Variants in CDC27 observed in about 807,000 individuals in gnomAD.
CDC27 encodes the protein cell division cycle 27, also known as cell division cycle protein 27 homolog.
CDC27 carries 27 observed loss-of-function variants against 109.7 expected under a neutral mutation model. The observed-to-expected ratio is 0.25, with a 90% CI of 0.18 to 0.34. The LOEUF (loss-of-function observed/expected upper bound fraction) is 0.34, where lower values mean the gene tolerates loss of function less well. CDC27 is among the 10% of genes least tolerant of loss of function. The pLI, the probability that CDC27 is intolerant of heterozygous loss-of-function variation, is 1.00. For missense variants in CDC27, 579 were observed against 960.2 expected, an observed-to-expected ratio of 0.60 and a Z score of 5.25; for synonymous variants, 266 against 333.9, an observed-to-expected ratio of 0.80 and a Z score of 2.22.
chr17:47,187,014 T>A (rs221599), intron 1 of CDC27, among the ~76,000 whole-genome samples: 53,793 of 152,034 alleles, frequency 0.35, 10,079 homozygotes, highest in Admixed American at 0.43. Context: ...TCTTTATCAT[T>A]GTAGCCAAAG....
At chr17:47,175,094 G>GAAGGAAGGAAGT (rs1368102752) in intron 2 of CDC27, among the ~76,000 whole-genome samples, 2 of 94,146 alleles carry the variant, frequency 2.1e-5, no homozygotes, top group Admixed American at 1.1e-4. Context: ...AGGAAGGAAG[G>GAAGGAAGGAAGT]AAGTAAGTTG....
chr17:47,146,637 A>G (rs112106760), intron 9 of CDC27, among the ~76,000 whole-genome samples: 3 of 152,206 alleles, frequency 2.0e-5, no homozygotes, highest in Non-Finnish European at 4.4e-5. Flanking sequence ...GTCCAGACTA[A>G]GGCTACTTTT....
At chr17:47,122,156 T>C (rs1232244612) in intron 18 of CDC27, among the ~76,000 whole-genome samples, 3 of 152,090 alleles carry the variant, frequency 2.0e-5, no homozygotes, top group Non-Finnish European at 4.4e-5. Context: ...TACATTTTTA[T>C]GAAGCAGATA....
rs1161085615 is a variant in CDC27, at chr17:47,138,862, C to G, written c.1581G>C (p.Arg527Ser). 1 of 1,589,048 alleles carries G rather than the reference C, an allele frequency of 6.3e-7. No individual in the cohort carries two copies. Among genetic ancestry groups the G allele is most frequent in the Non-Finnish European group, 8.6e-7 (1 of 1,168,768 alleles). ...TGCCTTCAACTCTATAATTCTCAAT[C>G]CTTCTAACCTCTGAGAATATTCTTT... ...QAERIFSEVRRIENYRVEGME... is the reference protein window; with the variant it reads ...QAERIFSEVRSIENYRVEGME... Residue 527 changes from arginine (R) to serine (S), a missense_variant, in exon 13 of 19, where the codon AGG (arginine) becomes AGC (serine). Arg to Ser is a moderately radical substitution (Grantham distance 110, BLOSUM62 -1). Around this residue, in one of 9 missense-constraint regions of CDC27, gnomAD observed 227 missense variants for 363.6 expected, o/e 0.62. Coordinates refer to ENST00000066544, the MANE Select transcript of CDC27 (RefSeq NM_001256.6).
intron 14 of CDC27, among the ~76,000 whole-genome samples, chr17:47,133,066 C>T (rs182876060): frequency 0.09 from 7,092 of 78,594 alleles, 391 homozygotes; most frequent in African/African-American, 0.13. Flanking sequence ...TACATATACA[C>T]ACACACACAC....
At chr17:47,174,452 G>A (rs2063918686) in intron 2 of CDC27, among the ~76,000 whole-genome samples, 1 of 152,150 alleles carries the variant, frequency 6.6e-6, no homozygotes, top group South Asian at 2.1e-4. Context: ...ATGTTTGCAT[G>A]TCACTTATTT....
rs2064236673 is a variant in CDC27 at position 47,181,507 on chromosome 17, G to T, written c.103+55C>A. The stretch of plus-strand genomic sequence containing the variant: ...CTTGTTACAGTGATAAAAAGTTATG[G>T]AATTTCATATATGTTATTCATTTAT... On this transcript the variant is annotated intron_variant, in intron 2 of 18. Coordinates refer to ENST00000066544, the MANE Select transcript of CDC27 (RefSeq NM_001256.6). 3 of 960,630 alleles carry T rather than the reference G, an allele frequency of 3.1e-6. No individual in the cohort carries two copies. The Admixed American group carries it at 5.9e-5, about 19-fold the overall frequency. The allele number at this position is 960,630 out of a possible 1,614,324, so 59.5% of individuals were successfully genotyped here.
chr17:47,132,371 A>G lies in CDC27; in HGVS notation c.1917T>C (p.Tyr639=). The part of the protein sequence containing the change: ...RVNPRHYNAW[Y]GLGMIYYKQE... Reference sequence around the variant, plus strand: ...GCTTGTAATAAATCATTCCTAAACCATACCTGAAAGTATAAAACAAAGTAT... The same window carrying G: ...GCTTGTAATAAATCATTCCTAAACCGTACCTGAAAGTATAAAACAAAGTAT... Residue 639 remains tyrosine, a synonymous_variant, in exon 15 of 19, where the codon TAT becomes TAC. Coordinates refer to ENST00000066544, the MANE Select transcript of CDC27 (RefSeq NM_001256.6). 1 of 1,486,806 alleles carries G rather than the reference A, an allele frequency of 6.7e-7. No homozygotes were observed. Among genetic ancestry groups the G allele is most frequent in the Non-Finnish European group, 9.3e-7 (1 of 1,080,352 alleles). 92.1% of individuals were successfully genotyped at this position (1,486,806 alleles called of 1,614,324 possible).
intron 1 of CDC27, among the ~76,000 whole-genome samples, chr17:47,184,927 G>A (rs951387847): frequency 2.0e-5 from 3 of 152,142 alleles, no homozygotes; most frequent in Non-Finnish European, 2.9e-5. Flanking sequence ...CCAGATGAAC[G>A]AAATGCTGCT....
chr17:47,143,973 A>C lies in CDC27; in HGVS notation c.1080T>G (p.Pro360=). ...QSSGPQTSTT[P]QVLSPTITSP... The stretch of plus-strand genomic sequence containing the variant: ...ATGTAATAGTGGGGCTCAATACCTG[A>C]GGTGTTGTACTAAAAAAAAATTATA... The change falls in exon 10 of 19, where the codon CCT becomes CCG. Residue 360 remains proline (P), a synonymous_variant. Transcript: ENST00000066544. 1 of 1,438,406 alleles carries C rather than the reference A, an allele frequency of 7.0e-7. No homozygotes were observed. The highest frequency in any genetic ancestry group is 9.2e-7 in the Non-Finnish European group (1 of 1,083,074). 89.1% of individuals were successfully genotyped at this position (1,438,406 alleles called of 1,614,324 possible). A position where few individuals can be genotyped will look rare whatever the true frequency, so the allele number is the denominator to read the frequency against.
intron 9 of CDC27, among the ~76,000 whole-genome samples, chr17:47,146,150 C>T (rs894533064): frequency 6.6e-6 from 1 of 152,230 alleles, no homozygotes; most frequent in African/African-American, 2.4e-5. Flanking sequence ...TATCAGGACC[C>T]TCCCATATCT....
intron 14 of CDC27, among the ~76,000 whole-genome samples, chr17:47,133,014 T>TATATATATAC (rs1555783809): frequency 2.2e-4 from 10 of 45,366 alleles, no homozygotes; most frequent in Non-Finnish European, 4.4e-4. Flanking sequence ...TATATATATA[T>TATATATATAC]ATATATATAT....
chr17:47,152,692 A>T (rs1363219596), intron 8 of CDC27, among the ~76,000 whole-genome samples: 2 of 152,168 alleles, frequency 1.3e-5, no homozygotes, highest in Non-Finnish European at 2.9e-5. Flanking sequence ...CAATCCTCAA[A>T]CTGCATATTA....
At chr17:47,174,304 G>C (rs911666139) in intron 2 of CDC27, among the ~76,000 whole-genome samples, 4 of 152,174 alleles carry the variant, frequency 2.6e-5, no homozygotes, top group African/African-American at 9.7e-5. Context: ...GATTGACAAA[G>C]ATTTCATCTA....
intron 4 of CDC27, chr17:47,161,650 T>C (rs201816724): frequency 6.6e-6 from 1 of 152,386 alleles, no homozygotes; most frequent in South Asian, 2.1e-4. Context: ...CCTGGGAGGC[T>C]GAGGCAGGAG....
At chr17:47,143,607 TC>T (rs1239758930) in intron 10 of CDC27, among the ~76,000 whole-genome samples, 1 of 152,192 alleles carries the variant, frequency 6.6e-6, no homozygotes, top group Non-Finnish European at 1.5e-5. Context: ...TAATCACTGA[TC>T]TGTTGTCCAT....
chr17:47,125,125 G>T (rs1343768343), intron 16 of CDC27, among the ~76,000 whole-genome samples: 1 of 150,922 alleles, frequency 6.6e-6, no homozygotes, highest in South Asian at 2.1e-4. Flanking sequence ...CACTAAAGTT[G>T]CCCAGGCTGG....
chr17:47,160,566 A>G (rs1345707401), intron 4 of CDC27, among the ~76,000 whole-genome samples: 1 of 152,212 alleles, frequency 6.6e-6, no homozygotes, highest in African/African-American at 2.4e-5. Flanking sequence ...GGAAGGGGTT[A>G]GTGGCTAGTG....
Position 47,142,328 on chromosome 17 carries a change from G to A in CDC27, c.1279C>T (p.Leu427=). The change falls in exon 11 of 19, where the codon CTG becomes TTG. Residue 427 remains leucine, a synonymous_variant. Transcript: ENST00000066544. The part of the protein sequence containing the change: ...GITQPNINDS[L]EITKLDSSII... ...GAAGAGTCCAATTTTGTAATTTCCA[G>A]GCTATCATTTATGTTAGGTTGAGTT... is the stretch of plus-strand genomic sequence containing the variant. The A allele has an allele frequency of 1.9e-6, 3 of 1,551,336 alleles. No homozygotes were observed. The highest frequency in any genetic ancestry group is 1.8e-4 in the Middle Eastern group (1 of 5,686).
Sources: allele counts gnomAD v4.1 joint callset (sites outside exome capture counted in the v4.1 genomes callset), GRCh38; gene constraint gnomAD v4.1.1; regional missense constraint gnomAD v4.1.1; transcripts MANE v1.5; gene names NCBI Gene and HGNC (gene_info 2026-07-23, HGNC 2026-07-21).